CMIP: variants seen among roughly 807,000 people sequenced by gnomAD.
CMIP encodes the protein c-Maf inducing protein, also known as C-Maf-inducing protein.
CMIP carries 13 observed loss-of-function variants against 97.3 expected under a neutral mutation model. The ratio of observed to expected loss-of-function variants is 0.13; its 90% confidence interval spans 0.09 to 0.21. CMIP has a LOEUF of 0.21. CMIP is among the 10% of genes least tolerant of loss of function. The pLI is 1.00. For synonymous variants in CMIP, 538 were observed against 436.3 expected, an observed-to-expected ratio of 1.23 and a Z score of -2.91; for missense variants, 847 against 1,024.9, an observed-to-expected ratio of 0.83 and a Z score of 2.37.
chr16:81,657,652 C>T, intron 4 of CMIP, 123 bp from the exon 5 acceptor site: 2 of 762,136 alleles, frequency 2.6e-6, no homozygotes, highest in Non-Finnish European at 2.1e-6. Context: ...GAAAAAATGA[C>T]AGTGACAGTT....
At chr16:81,495,208 C>A in intron 1 of CMIP, 1 of 886,526 alleles carries the variant, frequency 1.1e-6, no homozygotes, top group Non-Finnish European at 1.6e-6. Context: ...ATCATCATTA[C>A]TGTAGCATAG....
At chr16:81,493,896 C>T (rs1004950328) in intron 1 of CMIP, among the ~76,000 whole-genome samples, 2 of 152,312 alleles carry the variant, frequency 1.3e-5, no homozygotes, top group South Asian at 2.1e-4. Flanking sequence ...GCCTGTCACC[C>T]GCCGTTTCAT....
intron 1 of CMIP, chr16:81,495,432 G>T (rs1180972288): frequency 5.0e-6 from 8 of 1,607,266 alleles, no homozygotes; most frequent in South Asian, 3.3e-5. Flanking sequence ...TCTGTTTCCT[G>T]CGAGGAGGGA....
intron 1 of CMIP, among the ~76,000 whole-genome samples, chr16:81,491,842 C>G (rs1208453616): frequency 6.6e-6 from 1 of 152,192 alleles, no homozygotes; most frequent in Non-Finnish European, 1.5e-5. Context: ...TATGTCATTA[C>G]AGGCACAGTG....
At chr16:81,545,808 G>T (rs1358633492) in intron 1 of CMIP, among the ~76,000 whole-genome samples, 1 of 152,232 alleles carries the variant, frequency 6.6e-6, no homozygotes, top group Non-Finnish European at 1.5e-5. Context: ...GGGCCCCAGG[G>T]TCTTTGCACA....
intron 1 of CMIP, among the ~76,000 whole-genome samples, chr16:81,554,886 T>A (rs1245301108): frequency 6.6e-6 from 1 of 152,230 alleles, no homozygotes; most frequent in Non-Finnish European, 1.5e-5. Flanking sequence ...TATATTTGTT[T>A]TCACTTTAAT....
At position 81,696,675 on chromosome 16, in the gene CMIP, G is replaced by GT. The variant is rs1567669898; in HGVS notation, c.1638+9dup. 1 of 1,603,808 alleles carries GT rather than the reference G, an allele frequency of 6.2e-7. No individual in the cohort carries two copies. Among genetic ancestry groups the GT allele is most frequent in the East Asian group, 2.2e-5 (1 of 44,874 alleles). On this transcript the variant is annotated intron_variant, in intron 14 of 20. Transcript: ENST00000537098. ...GAGCTGTTCGCCAGCATGGTACGCA[G>GT]TGGGACCCCAGTGGGGTGACTTCCA...
intron 1 of CMIP, among the ~76,000 whole-genome samples, chr16:81,579,973 A>T (rs934267555): frequency 7.3e-5 from 11 of 150,936 alleles, no homozygotes; most frequent in Admixed American, 5.9e-4. Context: ...AAAAGAAATT[A>T]AAAAAAAAAT....
intron 1 of CMIP, among the ~76,000 whole-genome samples, chr16:81,525,333 G>A (rs1000768751): frequency 1.3e-5 from 2 of 151,708 alleles, no homozygotes; most frequent in Admixed American, 6.6e-5. Flanking sequence ...AGTAGAGACA[G>A]GGTTTCACCA....
At chr16:81,610,398 A>C (rs79598992) in intron 2 of CMIP, 53,298 of 985,778 alleles carry the variant, frequency 0.054, 1,560 homozygotes, top group Non-Finnish European at 0.059. Context: ...CAGCGCAGTC[A>C]GAGGCAGGAG....
intron 2 of CMIP, 124 bp from the exon 3 acceptor site, chr16:81,620,752 G>A: frequency 8.9e-7 from 1 of 1,122,914 alleles, no homozygotes; most frequent in East Asian, 2.5e-5. Context: ...CAGCAGGCTT[G>A]TTAGGGTCAC....
At chr16:81,546,119 T>G (rs778252348) in intron 1 of CMIP, among the ~76,000 whole-genome samples, 1 of 152,194 alleles carries the variant, frequency 6.6e-6, no homozygotes, top group Admixed American at 6.5e-5. Flanking sequence ...TCACCCTGGT[T>G]CTTACGAGTT....
chr16:81,669,076 C>A (rs2092647657), intron 7 of CMIP, among the ~76,000 whole-genome samples: 1 of 141,516 alleles, frequency 7.1e-6, no homozygotes, highest in Non-Finnish European at 1.5e-5. Context: ...TCACACTCAC[C>A]TCCTTCCACA....
rs2091880890 is a variant in CMIP, at chr16:81,614,464, G to A, written c.427-6412G>A. Reference sequence around the variant, plus strand: ...GGCCTGTGTGCTTGCCAGGAGCCCGGAGGGAAGAGACCTGGAAATGACACA... The same window carrying A: ...GGCCTGTGTGCTTGCCAGGAGCCCGAAGGGAAGAGACCTGGAAATGACACA... On this transcript the variant is annotated intron_variant, in intron 2 of 20. Transcript: ENST00000537098. The surrounding 1 kb of genome is among the most constrained non-coding windows in gnomAD (Gnocchi z 5.3). Among the ~76,000 whole-genome samples the A allele has an allele frequency of 6.6e-6, 1 of 152,204 alleles. No individual in the cohort carries two copies. The highest frequency in any genetic ancestry group is 6.5e-5 in the Admixed American group (1 of 15,284).
intron 5 of CMIP, among the ~76,000 whole-genome samples, chr16:81,658,413 A>G (rs560018815): frequency 1.2e-4 from 18 of 152,364 alleles, no homozygotes; most frequent in African/African-American, 4.1e-4. Context: ...CAGATAACCT[A>G]GTCCCTAAGG....
Position 81,621,232 on chromosome 16 carries a change from G to A in CMIP, c.477+306G>A. On this transcript the variant is annotated intron_variant, in intron 3 of 20. Transcript: ENST00000537098. The surrounding 1 kb of genome is among the most constrained non-coding windows in gnomAD (Gnocchi z 4.1). ...TGAGGGCGACCCTGAGGGGAGTCCAGCCGGGGAGGCTGGACTTCAGGGGCT... is the reference window on the plus strand; with the variant it reads ...TGAGGGCGACCCTGAGGGGAGTCCAACCGGGGAGGCTGGACTTCAGGGGCT... 2 of 241,894 alleles carry A rather than the reference G, an allele frequency of 8.3e-6. No homozygotes were observed. The allele number at this position is 241,894 out of a possible 1,614,324, so 15.0% of individuals were successfully genotyped here. A position where few individuals can be genotyped will look rare whatever the true frequency, so the allele number is the denominator to read the frequency against.
At chr16:81,582,018 C>A (rs2091304085) in intron 1 of CMIP, among the ~76,000 whole-genome samples, 1 of 152,142 alleles carries the variant, frequency 6.6e-6, no homozygotes, top group South Asian at 2.1e-4. Context: ...AAAGGAGGAG[C>A]CAGCACATCA....
rs1231795091 is a variant in CMIP at position 81,703,925 on chromosome 16, C to G, written c.1945-14C>G. The G allele has an allele frequency of 6.3e-7, 1 of 1,587,836 alleles. No individual in the cohort carries two copies. The highest frequency in any genetic ancestry group is 1.1e-5 in the South Asian group (1 of 87,864). On this transcript the variant is annotated splice_polypyrimidine_tract_variant and intron_variant, in intron 17 of 20. Coordinates refer to ENST00000537098, the MANE Select transcript of CMIP (RefSeq NM_198390.3). The stretch of plus-strand genomic sequence containing the variant: ...CCAGCAGCACCCTCAGGCCTCTCCC[C>G]CGTCTGCCCGCAGGACGCTGACTTG...
intron 1 of CMIP, among the ~76,000 whole-genome samples, chr16:81,509,013 C>T (rs1006531610): frequency 3.9e-5 from 6 of 152,216 alleles, no homozygotes; most frequent in Non-Finnish European, 5.9e-5. Flanking sequence ...GGTTCCCTTT[C>T]CCTTAGCCTT....
Sources: allele counts gnomAD v4.1 joint callset (sites outside exome capture counted in the v4.1 genomes callset), GRCh38; gene constraint gnomAD v4.1.1; non-coding constraint Gnocchi (gnomAD v3.1); transcripts MANE v1.5; gene names NCBI Gene and HGNC (gene_info 2026-07-23, HGNC 2026-07-21).